Variants in FHIP1A observed in about 807,000 individuals in gnomAD.
The protein encoded by FHIP1A is FHF complex subunit HOOK-interacting protein 1A.
FHIP1A carries 61 observed loss-of-function variants against 88.6 expected under a neutral mutation model. That is an observed-to-expected ratio of 0.69 (90% confidence interval 0.56 to 0.85). The LOEUF is 0.85. Among genes scored for constraint, FHIP1A ranks in the 40% least tolerant of loss-of-function variants. The pLI is 0.00. For synonymous variants in FHIP1A, 478 were observed against 496.0 expected, an observed-to-expected ratio of 0.96 and a Z score of 0.48; for missense variants, 1,154 against 1,273.5, an observed-to-expected ratio of 0.91 and a Z score of 1.43.
intron 3 of FHIP1A, among the ~76,000 whole-genome samples, chr4:151,494,530 T>C (rs1260798245): frequency 6.6e-6 from 1 of 152,166 alleles, no homozygotes; most frequent in African/African-American, 2.4e-5. Flanking sequence ...CATTGCTCTA[T>C]GGTCTGTTTT....
chr4:151,512,856 G>C (rs1443756208), intron 3 of FHIP1A, among the ~76,000 whole-genome samples: 1 of 152,250 alleles, frequency 6.6e-6, no homozygotes, highest in Non-Finnish European at 1.5e-5. Context: ...GGGGAGAATG[G>C]AACCAAGTTG....
intron 3 of FHIP1A, among the ~76,000 whole-genome samples, chr4:151,522,448 A>G (rs561336216): frequency 6.6e-6 from 1 of 152,230 alleles, no homozygotes; most frequent in African/African-American, 2.4e-5. Flanking sequence ...AACCAAATGG[A>G]CATCCTCAGT....
At chr4:151,549,667 T>C (rs1292776410) in intron 3 of FHIP1A, among the ~76,000 whole-genome samples, 3 of 152,154 alleles carry the variant, frequency 2.0e-5, no homozygotes, top group Non-Finnish European at 4.4e-5. Flanking sequence ...AGGGCTGCTC[T>C]GCCTATGGAG....
At chr4:151,510,887 C>A (rs1009942687) in intron 3 of FHIP1A, among the ~76,000 whole-genome samples, 1 of 152,150 alleles carries the variant, frequency 6.6e-6, no homozygotes, top group Non-Finnish European at 1.5e-5. Flanking sequence ...ATTCATTTAG[C>A]ATTTATTGAC....
rs77011533 is a variant in FHIP1A at position 151,426,554 on chromosome 4, T to C, written c.-356+17089T>C. ...ATCAATTTTTCTTCTTACTGAACTA[T>C]TGGTGAATGAATGAAGTGGTGTGGT... is the stretch of plus-strand genomic sequence containing the variant. On this transcript the variant is annotated intron_variant, in intron 1 of 13. Transcript: ENST00000435205. Among the ~76,000 whole-genome samples the C allele has an allele frequency of 4.7e-3, 712 of 152,276 alleles. 3 individuals carry two copies. The highest frequency in any genetic ancestry group is 0.016 in the African/African-American group (665 of 41,552).
chr4:151,660,650 T>C (rs1737422699), intron 13 of FHIP1A, among the ~76,000 whole-genome samples: 1 of 152,094 alleles, frequency 6.6e-6, no homozygotes, highest in African/African-American at 2.4e-5. Flanking sequence ...ACATAAACAA[T>C]GTGAGGCTGA....
At chr4:151,515,421 C>T (rs1040959774) in intron 3 of FHIP1A, among the ~76,000 whole-genome samples, 24 of 151,948 alleles carry the variant, frequency 1.6e-4, no homozygotes, top group Non-Finnish European at 2.8e-4. Flanking sequence ...TCTCACCACT[C>T]CTATTCAAAA....
Position 151,669,110 on chromosome 4 carries a change from G to C in FHIP1A, c.*6356G>C, listed in dbSNP as rs1185850466. 6.6e-6 allele frequency among the ~76,000 whole-genome samples: 1 copy of C among 152,236 alleles called. No homozygotes were observed. Among genetic ancestry groups the C allele is most frequent in the Non-Finnish European group, 1.5e-5 (1 of 68,034 alleles). On this transcript the variant is annotated 3_prime_UTR_variant, in exon 14 of 14. Transcript: ENST00000435205. ...CCCCTTTATAAGCAGAGCCATCTTTGCGAATTTCTTGGGGTGTTAATGTAA... is the reference window on the plus strand; with the variant it reads ...CCCCTTTATAAGCAGAGCCATCTTTCCGAATTTCTTGGGGTGTTAATGTAA...
At position 151,409,386 on chromosome 4, in the gene FHIP1A, A is replaced by G. The variant is rs1732508169; in HGVS notation, c.-435A>G. Reference sequence around the variant, plus strand: ...CGCGCAGGCGTCCCCGGGACCGCAGAGCAAACTTTCTGGACTATCTGAGGA... The same window carrying G: ...CGCGCAGGCGTCCCCGGGACCGCAGGGCAAACTTTCTGGACTATCTGAGGA... On this transcript the variant is annotated 5_prime_UTR_variant, in exon 1 of 14. Coordinates refer to ENST00000435205, the MANE Select transcript of FHIP1A (RefSeq NM_001109977.3). The G allele has an allele frequency of 2.6e-5, 4 of 152,362 alleles. 1 individual carries two copies. In the South Asian group the frequency reaches 8.3e-4, roughly 32 times the overall value. 9.4% of individuals were successfully genotyped at this position (152,362 alleles called of 1,614,324 possible).
At chr4:151,508,128 T>C (rs1472248470) in intron 3 of FHIP1A, among the ~76,000 whole-genome samples, 1 of 152,192 alleles carries the variant, frequency 6.6e-6, no homozygotes, top group Non-Finnish European at 1.5e-5. Context: ...TGGAACTAGG[T>C]AGATAAAGCA....
At chr4:151,547,960 CAG>C (rs1366056089) in intron 3 of FHIP1A, among the ~76,000 whole-genome samples, 2 of 151,974 alleles carry the variant, frequency 1.3e-5, no homozygotes, top group African/African-American at 4.8e-5. Context: ...CACTTATCTG[CAG>C]TGTCACTTTG....
intron 7 of FHIP1A, among the ~76,000 whole-genome samples, chr4:151,608,844 A>G (rs1294751677): frequency 1.3e-5 from 2 of 152,242 alleles, no homozygotes; most frequent in African/African-American, 4.8e-5. Flanking sequence ...ACTGGAGATA[A>G]GGAATCTCAA....
At chr4:151,601,365 T>C (rs892790498) in intron 7 of FHIP1A, among the ~76,000 whole-genome samples, 2 of 151,984 alleles carry the variant, frequency 1.3e-5, no homozygotes, top group African/African-American at 4.8e-5. Flanking sequence ...AGCATGCTTA[T>C]TTACCAGTAT....
chr4:151,483,329 A>G (rs561268693), intron 3 of FHIP1A, among the ~76,000 whole-genome samples: 15 of 152,090 alleles, frequency 9.9e-5, no homozygotes, highest in Admixed American at 3.9e-4. Context: ...GTGTTTTGCA[A>G]TATTTCCCAA....
chr4:151,498,581 C>T lies in FHIP1A; in HGVS notation c.-123+15933C>T, dbSNP rs138633224. On this transcript the variant is annotated intron_variant, in intron 3 of 13. Transcript: ENST00000435205. Reference sequence around the variant, plus strand: ...CTGTAATCCTAGCACTTTGGGAGGCCGAGGTGGGCGGATCACGAGGTCAGG... The same window carrying T: ...CTGTAATCCTAGCACTTTGGGAGGCTGAGGTGGGCGGATCACGAGGTCAGG... Among the ~76,000 whole-genome samples, 946 of 152,166 alleles carry T rather than the reference C, an allele frequency of 6.2e-3. 12 individuals carry two copies. The highest frequency in any genetic ancestry group is 0.021 in the African/African-American group (881 of 41,508).
rs1249354693 is a variant in FHIP1A at position 151,629,863 on chromosome 4, G to A, written c.1140G>A (p.Pro380=). 7.1e-6 allele frequency: 11 copies of A among 1,550,672 alleles called. No individual in the cohort carries two copies. The highest frequency in any genetic ancestry group is 5.9e-5 in the Admixed American group (3 of 50,950). ...CTCTCACGAGTCGAATCAACACCCC[G>A]TTTCGGGTAAGGAGAGCGCCAGAGG... The part of the protein sequence containing the change: ...LDTLTSRINT[P]FRLCVVSLAL... The change falls in exon 8 of 14, where the codon CCG becomes CCA. Residue 380 remains proline, a synonymous_variant. Coordinates refer to ENST00000435205, the MANE Select transcript of FHIP1A (RefSeq NM_001109977.3).
chr4:151,609,049 A>G (rs990991168), intron 7 of FHIP1A, among the ~76,000 whole-genome samples: 2 of 152,080 alleles, frequency 1.3e-5, no homozygotes, highest in Admixed American at 1.3e-4. Flanking sequence ...TATGAAATCA[A>G]CCCTGCTCTC....
At chr4:151,603,277 C>T (rs1734942413) in intron 7 of FHIP1A, among the ~76,000 whole-genome samples, 1 of 151,408 alleles carries the variant, frequency 6.6e-6, no homozygotes, top group South Asian at 2.1e-4. Flanking sequence ...CGCACCACTG[C>T]ACTCCAGCCT....
intron 3 of FHIP1A, among the ~76,000 whole-genome samples, chr4:151,503,855 C>T (rs1730734416): frequency 6.6e-6 from 1 of 152,186 alleles, no homozygotes; most frequent in South Asian, 2.1e-4. Context: ...ATCTTAACCT[C>T]AAATCCTTTG....
Sources: allele counts gnomAD v4.1 joint callset (sites outside exome capture counted in the v4.1 genomes callset), GRCh38; gene constraint gnomAD v4.1.1; transcripts MANE v1.5; gene names NCBI Gene and HGNC (gene_info 2026-07-23, HGNC 2026-07-21).